The following BCAR3 variants were observed in gnomAD, a reference collection of about 807,000 sequenced individuals.
The protein encoded by BCAR3 is breast cancer anti-estrogen resistance protein 3.
Under a neutral mutation model 80.1 loss-of-function variants are expected in BCAR3, and 37 were observed. The ratio of observed to expected loss-of-function variants is 0.46; its 90% CI spans 0.36 to 0.61. The LOEUF is 0.61. Ranked by LOEUF, BCAR3 falls within the 20% of genes least tolerant of loss-of-function variation. The probability of loss-of-function intolerance (pLI) is 0.00; values close to 1 mark genes in which losing one functional copy is unlikely to be tolerated. For missense variants in BCAR3, 978 were observed against 1,068.2 expected (o/e 0.92, Z 1.18); for synonymous variants, 389 against 418.9 (o/e 0.93, Z 0.87).
At chr1:93,624,704 T>C (rs932462679) in intron 3 of BCAR3, among the ~76,000 whole-genome samples, 6 of 152,268 alleles carry the variant, frequency 3.9e-5, no homozygotes, top group African/African-American at 1.4e-4. Context: ...GGAACTAAGA[T>C]GTGCAGTAAG....
intron 2 of BCAR3, among the ~76,000 whole-genome samples, chr1:93,667,950 G>A (rs1218298421): frequency 6.6e-6 from 1 of 152,148 alleles, no homozygotes; most frequent in East Asian, 1.9e-4. Flanking sequence ...AGGCTGGCTC[G>A]CAAATCCACA....
intron 2 of BCAR3, among the ~76,000 whole-genome samples, chr1:93,764,357 T>C (rs1652065232): frequency 6.6e-6 from 1 of 152,046 alleles, no homozygotes; most frequent in Non-Finnish European, 1.5e-5. Context: ...TCTTTCTCCA[T>C]AGACCCAACC....
intron 2 of BCAR3, among the ~76,000 whole-genome samples, chr1:93,727,597 G>C (rs1047788275): frequency 6.6e-6 from 1 of 152,148 alleles, no homozygotes; most frequent in Non-Finnish European, 1.5e-5. Flanking sequence ...TTTTAATCCA[G>C]ACTGCACACT....
At chr1:93,688,082 C>T (rs1004327906) in intron 3 of BCAR3, among the ~76,000 whole-genome samples, 6 of 152,214 alleles carry the variant, frequency 3.9e-5, no homozygotes, top group Non-Finnish European at 7.3e-5. Context: ...GTGCCTGCCC[C>T]TGAAGAGCTA....
chr1:93,829,408 G>A (rs183201470), intron 2 of BCAR3, among the ~76,000 whole-genome samples: 3 of 152,210 alleles, frequency 2.0e-5, no homozygotes, highest in African/African-American at 7.2e-5. Flanking sequence ...ATGCCATACT[G>A]AATGTACCTG....
At chr1:93,700,618 T>C (rs778619169) in intron 3 of BCAR3, among the ~76,000 whole-genome samples, 1 of 151,988 alleles carries the variant, frequency 6.6e-6, no homozygotes, top group Non-Finnish European at 1.5e-5. Context: ...CCTTGGCAGA[T>C]GGATACAAAC....
At chr1:93,835,743 G>A (rs531143466) in intron 2 of BCAR3, among the ~76,000 whole-genome samples, 201 of 152,224 alleles carry the variant, frequency 1.3e-3, no homozygotes, top group Non-Finnish European at 2.4e-3. Context: ...TCAGGGATTT[G>A]CCCCTGCCCA....
At chr1:93,725,008 C>T (rs1036664370) in intron 2 of BCAR3, among the ~76,000 whole-genome samples, 1 of 152,196 alleles carries the variant, frequency 6.6e-6, no homozygotes, top group Non-Finnish European at 1.5e-5. Context: ...GTAAGTTGCA[C>T]CAGCCAAGAG....
chr1:93,603,343 T>C (rs115318860), intron 3 of BCAR3, among the ~76,000 whole-genome samples: 106 of 152,354 alleles, frequency 7.0e-4, no homozygotes, highest in Admixed American at 1.0e-3. Flanking sequence ...CATGGATCTA[T>C]ATATTGATTA....
chr1:93,774,647 AG>A (rs1309112904), intron 2 of BCAR3, among the ~76,000 whole-genome samples: 3 of 152,188 alleles, frequency 2.0e-5, no homozygotes, highest in African/African-American at 7.2e-5. Flanking sequence ...TCCTTGGCAA[AG>A]CAACGACCTG....
intron 2 of BCAR3, among the ~76,000 whole-genome samples, chr1:93,770,215 G>T (rs1425148015): frequency 6.6e-6 from 1 of 152,148 alleles, no homozygotes; most frequent in African/African-American, 2.4e-5. Context: ...ATACTTCGAG[G>T]CATCTAACGG....
chr1:93,686,413 C>CA (rs1227900489), upstream of BCAR3, among the ~76,000 whole-genome samples: 6 of 150,740 alleles, frequency 4.0e-5, no homozygotes, highest in Admixed American at 1.3e-4. Context: ...AGCCCCATTA[C>CA]AAAAAAAAAG....
In BCAR3 at chr1:93,674,865, G is replaced by C; in HGVS notation, c.66C>G (p.Ala22=). 1.3e-6 allele frequency: 2 copies of C among 1,587,084 alleles called. No homozygotes were observed. The highest frequency in any genetic ancestry group is 3.8e-5 in the Admixed American group (2 of 52,164). The change falls in exon 2 of 12, where the codon GCC becomes GCG. Residue 22 remains alanine, a synonymous_variant. Coordinates refer to ENST00000260502, the MANE Select transcript of BCAR3 (RefSeq NM_003567.4). ...TGCTGCTCAGAAGGTCCATGGATGA[G>C]GCCAGGGGGAACTGGTGATTCACCG... ...NMPVNHQFPL[A]SSMDLLSSRS...
intron 2 of BCAR3, among the ~76,000 whole-genome samples, chr1:93,726,313 T>G (rs1223642622): frequency 6.6e-6 from 1 of 152,138 alleles, no homozygotes; most frequent in Non-Finnish European, 1.5e-5. Context: ...GTTCAAGCAA[T>G]CCTCCCACCT....
chr1:93,721,046 G>T (rs977044525), intron 2 of BCAR3, among the ~76,000 whole-genome samples: 1 of 152,198 alleles, frequency 6.6e-6, no homozygotes, highest in African/African-American at 2.4e-5. Context: ...GAGCACCGCT[G>T]GAATAGTGGC....
chr1:93,617,821 GT>G (rs1270778040), intron 3 of BCAR3, among the ~76,000 whole-genome samples: 2 of 152,226 alleles, frequency 1.3e-5, no homozygotes, highest in African/African-American at 4.8e-5. Flanking sequence ...TGGCGTCACG[GT>G]GAGGACAGCC....
chr1:93,646,719 C>A (rs1676157351), intron 2 of BCAR3: 1 of 151,976 alleles, frequency 6.6e-6, no homozygotes, highest in African/African-American at 2.4e-5. Context: ...ACAGAATAAT[C>A]TTTGCTTGTG....
rs370162071 is a variant in BCAR3, at chr1:93,824,338, T to C, written c.-63+21229A>G. 3.0e-5 allele frequency among the ~76,000 whole-genome samples: 4 copies of C among 134,146 alleles called. 2 individuals carry two copies. In the South Asian group the frequency reaches 1.2e-3, roughly 40 times the overall value. 88.0% of individuals were successfully genotyped at this position (134,146 alleles called of 152,430 possible). Reference sequence around the variant, plus strand: ...CATTTTCCCTCAGAACCCTTAGTGCTGTTACCCTCTCTAAAGCACTGTTGG... The same window carrying C: ...CATTTTCCCTCAGAACCCTTAGTGCCGTTACCCTCTCTAAAGCACTGTTGG... On this transcript the variant is annotated intron_variant, in intron 2 of 13. Transcript: ENST00000370244.
chr1:93,744,790 G>C lies in BCAR3; in HGVS notation c.-62-38648C>G, dbSNP rs377349535. Among the ~76,000 whole-genome samples, 9 of 152,300 alleles carry C rather than the reference G, an allele frequency of 5.9e-5. No homozygotes were observed. In the South Asian group the frequency reaches 8.3e-4, roughly 14 times the overall value. On this transcript the variant is annotated intron_variant, in intron 2 of 13. Coordinates refer to the BCAR3 transcript ENST00000370244. ...CATTAAACAGGATTCTCAGTCAAAC[G>C]CAATGGGTTTCATGTCTTCCCCACG...
Sources: gnomAD v4.1 joint callset for allele counts (sites outside exome capture counted in the v4.1 genomes callset) on GRCh38, gnomAD v4.1.1 for gene constraint, MANE v1.5 for transcripts, NCBI Gene and HGNC (gene_info 2026-07-23, HGNC 2026-07-21) for gene names.